TAP1: variants seen among roughly 807,000 people sequenced by gnomAD.
The protein encoded by TAP1 is antigen peptide transporter 1.
A neutral mutation model predicts 79.3 loss-of-function variants in TAP1; 56 were observed. The ratio of observed to expected loss-of-function variants is 0.71; its 90% confidence interval spans 0.57 to 0.88. The LOEUF (loss-of-function observed/expected upper bound fraction) is 0.88. TAP1 is among the 40% of genes least tolerant of loss of function. The pLI is 0.00. For missense variants in TAP1, 737 were observed against 936.3 expected (o/e 0.79, Z 2.78); for synonymous variants, 355 against 401.4 (o/e 0.88, Z 1.38).
rs55767910 is a variant in TAP1, at chr6:32,850,465, A to G, written c.1103T>C (p.Ile368Thr). The change falls in exon 5 of 11, where the codon ATT (isoleucine) becomes ACT (threonine). Residue 368 changes from isoleucine (I) to threonine (T), a missense_variant. Ile to Thr is a moderately conservative substitution (Grantham distance 89). Transcript: ENST00000354258. The surrounding 1 kb of genome is among the most constrained non-coding windows in gnomAD (Gnocchi z 5.5). ...ESLAKSSQVA[I>T]EALSAMPTVR... ...TGTAGGCATGGCCGACAGAGCCTCA[A>G]TGGCCACCTGGCTGGACTTTGCCAG... 4.6e-4 allele frequency: 749 copies of G among 1,614,122 alleles called. 2 individuals are homozygous for G. In the African/African-American group the frequency reaches 6.5e-3, roughly 14 times the overall value.
In TAP1 at chr6:32,851,311, G is replaced by C. The variant is rs1482163182; in HGVS notation, c.845-162C>G. 6.6e-6 allele frequency among the ~76,000 whole-genome samples: 1 copy of C among 152,178 alleles called. No individual in the cohort carries two copies. Among genetic ancestry groups the C allele is most frequent in the Non-Finnish European group, 1.5e-5 (1 of 68,044 alleles). ...GTTCTCCAGAGGTCTGCAAATCTCA[G>C]TGCAGGGAAGATGAGTGTTAAAGAG... On this transcript the variant is annotated intron_variant, in intron 3 of 10. Transcript: ENST00000354258. The surrounding 1 kb of genome is among the most constrained non-coding windows in gnomAD (Gnocchi z 4.8).
In TAP1 at chr6:32,849,134, A is replaced by G; in HGVS notation, c.1249-16T>C. 1 of 1,567,818 alleles carries G rather than the reference A, an allele frequency of 6.4e-7. No individual in the cohort carries two copies. Among genetic ancestry groups the G allele is most frequent in the Non-Finnish European group, 8.7e-7 (1 of 1,155,820 alleles). On this transcript the variant is annotated splice_polypyrimidine_tract_variant and intron_variant, in intron 5 of 10. Coordinates refer to ENST00000354258, the MANE Select transcript of TAP1 (RefSeq NM_000593.6). ...TACCTGAAATCTATAAAGAGACCAC[A>G]AAAAAAGGGACTGAGGTAGAGAAAT... is the stretch of plus-strand genomic sequence containing the variant.
At position 32,845,514 on chromosome 6, in the gene TAP1, T is replaced by C. The variant is rs1770308427; in HGVS notation, c.*65A>G. The C allele has an allele frequency of 1.3e-6, 2 of 1,574,570 alleles. No individual in the cohort carries two copies. Among genetic ancestry groups the C allele is most frequent in the Non-Finnish European group, 1.7e-6 (2 of 1,146,296 alleles). On this transcript the variant is annotated 3_prime_UTR_variant, in exon 11 of 11. Coordinates refer to ENST00000354258, the MANE Select transcript of TAP1 (RefSeq NM_000593.6). This position sits in a 1 kb window ranked among gnomAD's most constrained non-coding sequence, Gnocchi z 4.5. ...TGGAGGCAGCTGCCTACTCTGCAGCTGTGGTTCTCCACCACAGAGAGAAGA... is the reference window on the plus strand; with the variant it reads ...TGGAGGCAGCTGCCTACTCTGCAGCCGTGGTTCTCCACCACAGAGAGAAGA...
rs141273059 is a variant in TAP1 at position 32,851,907 on chromosome 6, TTG to T, written c.844+200_844+201del. Among the ~76,000 whole-genome samples the T allele has an allele frequency of 1.1e-4, 15 of 139,032 alleles. No homozygotes were observed. Among genetic ancestry groups the T allele is most frequent in the East Asian group, 2.1e-4 (1 of 4,744 alleles). 91.2% of individuals were successfully genotyped at this position (139,032 alleles called of 152,430 possible). ...GGTATATCAAGAATGAGAAAAACAA[TTG>T]TGTGTGTGTGTGTGTGAGAGAGAGA... is the stretch of plus-strand genomic sequence containing the variant. On this transcript the variant is annotated intron_variant, in intron 3 of 10. Transcript: ENST00000354258. The surrounding 1 kb of genome is among the most constrained non-coding windows in gnomAD (Gnocchi z 4.8).
intron 5 of TAP1, chr6:32,849,402 T>C (rs1770646922): frequency 1.9e-6 from 1 of 532,118 alleles, no homozygotes; most frequent in South Asian, 2.1e-5. Context: ...AGCTAATACA[T>C]GAAGAGCCTT....
chr6:32,847,858 A>C lies in TAP1; in HGVS notation c.1740+61T>G. On this transcript the variant is annotated intron_variant, in intron 8 of 10. Transcript: ENST00000354258. The surrounding 1 kb of genome is among the most constrained non-coding windows in gnomAD (Gnocchi z 4.7). ...CCCTAACCCCTCTTTCAGAGTGCTC[A>C]GTAAGAATGCTCTTCGTATTTGATG... is the stretch of plus-strand genomic sequence containing the variant. 6 of 1,608,220 alleles carry C rather than the reference A, an allele frequency of 3.7e-6. No individual in the cohort carries two copies. The highest frequency in any genetic ancestry group is 5.1e-6 in the Non-Finnish European group (6 of 1,175,590).
At chr6:32,846,975 T>C (rs1453134598) in intron 10 of TAP1, 93 bp downstream of exon 10, 1 of 1,579,938 alleles carries the variant, frequency 6.3e-7, no homozygotes, top group Non-Finnish European at 8.6e-7. Context: ...AAGGACTGGT[T>C]TGTATAATTA....
Position 32,845,885 on chromosome 6 carries a change from G to T in TAP1, c.2041-100C>A. 1 of 1,005,122 alleles carries T rather than the reference G, an allele frequency of 9.9e-7. No individual in the cohort carries two copies. The highest frequency in any genetic ancestry group is 1.5e-6 in the Non-Finnish European group (1 of 661,526). 62.3% of individuals were successfully genotyped at this position (1,005,122 alleles called of 1,614,324 possible). A position where few individuals can be genotyped will look rare whatever the true frequency, so the allele number is the denominator to read the frequency against. ...GGACTGACCTCACAGGATCACTGCTGGCTCTGCTAACAACCCCAAGGACAC... is the reference window on the plus strand; with the variant it reads ...GGACTGACCTCACAGGATCACTGCTTGCTCTGCTAACAACCCCAAGGACAC... On this transcript the variant is annotated intron_variant, in intron 10 of 10. Transcript: ENST00000354258. The surrounding 1 kb of genome is among the most constrained non-coding windows in gnomAD (Gnocchi z 4.5).
In TAP1 at chr6:32,845,976, A is replaced by G. The variant is rs578057540; in HGVS notation, c.2041-191T>C. On this transcript the variant is annotated intron_variant, in intron 10 of 10. Transcript: ENST00000354258. This position sits in a 1 kb window ranked among gnomAD's most constrained non-coding sequence, Gnocchi z 4.5. Reference sequence around the variant, plus strand: ...TTTCATTAAGGACTGTTTTACATGAAGGGTGCAAAAGTAGGATAAAAATGA... The same window carrying G: ...TTTCATTAAGGACTGTTTTACATGAGGGGTGCAAAAGTAGGATAAAAATGA... 4.4e-5 allele frequency: 28 copies of G among 629,394 alleles called. No individual in the cohort carries two copies. The South Asian group carries it at 4.8e-4, about 11-fold the overall frequency. 39.0% of individuals were successfully genotyped at this position (629,394 alleles called of 1,614,324 possible).
At chr6:32,849,702 G>C (rs1473261594) in intron 5 of TAP1, 1 of 173,436 alleles carries the variant, frequency 5.8e-6, no homozygotes, top group East Asian at 1.6e-4. Flanking sequence ...AGTGAGCCCA[G>C]ATCGCGCCAC....
chr6:32,852,899 G>T lies in TAP1; in HGVS notation c.598+140C>A. The T allele has an allele frequency of 1.4e-6, 2 of 1,453,896 alleles. No individual in the cohort carries two copies. Among genetic ancestry groups the T allele is most frequent in the Non-Finnish European group, 1.8e-6 (2 of 1,102,142 alleles). 90.1% of individuals were successfully genotyped at this position (1,453,896 alleles called of 1,614,324 possible). On this transcript the variant is annotated intron_variant, in intron 1 of 10. Transcript: ENST00000354258. The surrounding 1 kb of genome is among the most constrained non-coding windows in gnomAD (Gnocchi z 4.8). ...GTGCCGTTTCTTCTACACCGAAGTGGTGTTCCAAGACCCACGCTAGGAGTC... is the reference window on the plus strand; with the variant it reads ...GTGCCGTTTCTTCTACACCGAAGTGTTGTTCCAAGACCCACGCTAGGAGTC...
chr6:32,851,155 G>A lies in TAP1; in HGVS notation c.845-6C>T, dbSNP rs1770759739. The A allele has an allele frequency of 1.2e-6, 2 of 1,612,810 alleles. No homozygotes were observed. The highest frequency in any genetic ancestry group is 1.7e-5 in the Admixed American group (1 of 60,006). On this transcript the variant is annotated splice_region_variant and splice_polypyrimidine_tract_variant and intron_variant, in intron 3 of 10. Transcript: ENST00000354258. This position sits in a 1 kb window ranked among gnomAD's most constrained non-coding sequence, Gnocchi z 4.8. The stretch of plus-strand genomic sequence containing the variant: ...TACCCGAGACATGATGTTACCTGCA[G>A]GGTTGGGGAGAAGAGAGTGAGGTGA...
At position 32,845,808 on chromosome 6, in the gene TAP1, C is replaced by G. The variant is rs1373134505; in HGVS notation, c.2041-23G>C. 1 of 1,603,278 alleles carries G rather than the reference C, an allele frequency of 6.2e-7. No individual in the cohort carries two copies. Among genetic ancestry groups the G allele is most frequent in the East Asian group, 2.2e-5 (1 of 44,846 alleles). On this transcript the variant is annotated intron_variant, in intron 10 of 10. Coordinates refer to ENST00000354258, the MANE Select transcript of TAP1 (RefSeq NM_000593.6). This position sits in a 1 kb window ranked among gnomAD's most constrained non-coding sequence, Gnocchi z 4.5. The stretch of plus-strand genomic sequence containing the variant: ...CACCTGAGGAAAGACATCGGACCGT[C>G]AGAGCCGGGGACTACCCTCAGCCCA...
rs1770813624 is a variant in TAP1 at position 32,852,010 on chromosome 6, T to A, written c.844+99A>T. The A allele has an allele frequency of 1.3e-6, 2 of 1,490,098 alleles. No homozygotes were observed. Among genetic ancestry groups the A allele is most frequent in the South Asian group, 2.3e-5 (2 of 88,102 alleles). The allele number at this position is 1,490,098 out of a possible 1,614,324, so 92.3% of individuals were successfully genotyped here. A position where few individuals can be genotyped will look rare whatever the true frequency, so the allele number is the denominator to read the frequency against. On this transcript the variant is annotated intron_variant, in intron 3 of 10. Transcript: ENST00000354258. This position sits in a 1 kb window ranked among gnomAD's most constrained non-coding sequence, Gnocchi z 4.8. ...AATGAGAAGGAACAATGTGTGTATG[T>A]GTGTGTGAGAGAGAGAGAGCGGGGA... is the stretch of plus-strand genomic sequence containing the variant.
At position 32,852,133 on chromosome 6, in the gene TAP1, C is replaced by T. The variant is rs1296557907; in HGVS notation, c.820G>A (p.Glu274Lys). ...CCTGTCTGGTTCTGTTGGAAAAACT[C>T]CGTCTCCTGGCGCAGGACAGCCCCA... ...VFGAVLRQET[E>K]FFQQNQTGNI... is the part of the protein sequence containing the mutation. The change falls in exon 3 of 11, where the codon GAG (glutamate) becomes AAG (lysine). Residue 274 changes from glutamate to lysine, a missense_variant. Glu to Lys is a moderately conservative substitution (Grantham distance 56). Transcript: ENST00000354258. The surrounding 1 kb of genome is among the most constrained non-coding windows in gnomAD (Gnocchi z 4.8). 6.2e-7 allele frequency: 1 copy of T among 1,612,970 alleles called. No individual in the cohort carries two copies. Among genetic ancestry groups the T allele is most frequent in the East Asian group, 2.2e-5 (1 of 44,876 alleles).
Position 32,848,691 on chromosome 6 carries a change from G to T in TAP1, c.1527C>A (p.Ser509=). The T allele has an allele frequency of 1.2e-6, 2 of 1,614,164 alleles. No homozygotes were observed. The highest frequency in any genetic ancestry group is 1.7e-6 in the Non-Finnish European group (2 of 1,180,036). ...CATCTGGGCGGTTTGGGTAGGCAAA[G>T]GAGACATCTTGGAACTGGACAAGGC... The part of the protein sequence containing the change: ...LEGLVQFQDV[S]FAYPNRPDVL... Residue 509 remains serine (S), a synonymous_variant, in exon 7 of 11, where the codon TCC becomes TCA. Coordinates refer to ENST00000354258, the MANE Select transcript of TAP1 (RefSeq NM_000593.6).
rs41545912 is a variant in TAP1, at chr6:32,853,394, G to A, written c.243C>T (p.Gly81=). Residue 81 remains glycine (G), a synonymous_variant, in exon 1 of 11, where the codon GGC becomes GGT. Coordinates refer to ENST00000354258, the MANE Select transcript of TAP1 (RefSeq NM_000593.6). The surrounding 1 kb of genome is among the most constrained non-coding windows in gnomAD (Gnocchi z 8.3). ...GGGCACCTGCGTTTTCGCTCTTGGA[G>A]CCAACCGTTGCCCTGAGGACCCCGC... ...GACGVLRATV[G]SKSENAGAQG... 2.5e-6 allele frequency: 4 copies of A among 1,608,092 alleles called. No homozygotes were observed. The African/African-American group carries it at 5.3e-5, about 21-fold the overall frequency.
chr6:32,846,048 A>G (rs1324642079), intron 10 of TAP1: 4 of 566,000 alleles, frequency 7.1e-6, no homozygotes, highest in East Asian at 5.9e-5. Context: ...ACTATTGAAT[A>G]GTCCTCTTCT....
Position 32,853,070 on chromosome 6 carries a change from C to A in TAP1, c.567G>T (p.Leu189=). The stretch of plus-strand genomic sequence containing the variant: ...AGGAGAGGACCACCAGGACCAGGAA[C>A]AGCGAGAGGCGGCGCGTCTCCGAGC... ...CLGSETRRLS[L]FLVLVVLSSL... The change falls in exon 1 of 11, where the codon CTG becomes CTT. Residue 189 remains leucine (L), a synonymous_variant. Transcript: ENST00000354258. This position sits in a 1 kb window ranked among gnomAD's most constrained non-coding sequence, Gnocchi z 8.3. The A allele has an allele frequency of 6.2e-7, 1 of 1,612,814 alleles. No individual in the cohort carries two copies. The highest frequency in any genetic ancestry group is 1.1e-5 in the South Asian group (1 of 91,084).
Sources: allele counts gnomAD v4.1 joint callset (sites outside exome capture counted in the v4.1 genomes callset), GRCh38; gene constraint gnomAD v4.1.1; non-coding constraint Gnocchi (gnomAD v3.1); transcripts MANE v1.5; gene names NCBI Gene and HGNC (gene_info 2026-07-23, HGNC 2026-07-21).